Variants in TTLL5 observed in about 807,000 individuals in gnomAD.
TTLL5 encodes tubulin tyrosine ligase like 5, also known as tubulin polyglutamylase TTLL5.
In TTLL5, 132 loss-of-function variants were observed where a neutral mutation model predicts 168.4. The ratio of observed to expected loss-of-function variants is 0.78; its 90% CI spans 0.68 to 0.91. The LOEUF is 0.91. Ranked by LOEUF, TTLL5 falls within the 40% of genes least tolerant of loss-of-function variation. TTLL5 has a pLI of 0.00. For missense variants in TTLL5, 1,545 were observed against 1,581.5 expected, an observed-to-expected ratio of 0.98 and a Z score of 0.39; for synonymous variants, 546 against 558.6, an observed-to-expected ratio of 0.98 and a Z score of 0.32.
chr14:75,909,390 T>A (rs2033277133), intron 31 of TTLL5, among the ~76,000 whole-genome samples: 1 of 150,650 alleles, frequency 6.6e-6, no homozygotes, highest in Non-Finnish European at 1.5e-5. Context: ...AGCTGTTTAA[T>A]TGCCCTGCCT....
At chr14:75,766,424 G>C in intron 20 of TTLL5, 56 bp downstream of exon 20, 4 of 1,437,060 alleles carry the variant, frequency 2.8e-6, no homozygotes, top group Non-Finnish European at 2.8e-6. Context: ...CTTGTACTGT[G>C]TACCAGCTAC....
chr14:75,664,258 A>G (rs909578020), intron 2 of TTLL5, among the ~76,000 whole-genome samples: 2 of 152,158 alleles, frequency 1.3e-5, no homozygotes, highest in African/African-American at 4.8e-5. Flanking sequence ...TAAGTGATGC[A>G]TTGAGATTTG....
intron 31 of TTLL5, among the ~76,000 whole-genome samples, chr14:75,920,542 T>C (rs1308179430): frequency 1.3e-5 from 2 of 152,198 alleles, no homozygotes; most frequent in Non-Finnish European, 2.9e-5. Context: ...AATGATGATT[T>C]CTAGCTTCAT....
In TTLL5 at chr14:75,954,618, A is replaced by G; in HGVS notation, c.*172A>G. ...GATGGTTGCCAATCAGCCAATGCAG[A>G]CTTTCACTGGGACAACAAGAAAGCA... On this transcript the variant is annotated 3_prime_UTR_variant, in exon 32 of 32. Coordinates refer to ENST00000298832, the MANE Select transcript of TTLL5 (RefSeq NM_015072.5). 2 of 652,356 alleles carry G rather than the reference A, an allele frequency of 3.1e-6. No individual in the cohort carries two copies. Among genetic ancestry groups the G allele is most frequent in the Non-Finnish European group, 5.3e-6 (2 of 376,616 alleles). 40.4% of individuals were successfully genotyped at this position (652,356 alleles called of 1,614,324 possible). A position where few individuals can be genotyped will look rare whatever the true frequency, so the allele number is the denominator to read the frequency against.
chr14:75,921,180 G>C (rs1225874669), intron 31 of TTLL5, among the ~76,000 whole-genome samples: 1 of 152,154 alleles, frequency 6.6e-6, no homozygotes, highest in Non-Finnish European at 1.5e-5. Context: ...TAGGTTGCCT[G>C]TTCACTCTGA....
Position 75,820,154 on chromosome 14 carries a change from G to A in TTLL5, c.3319G>A (p.Gly1107Arg). The A allele has an allele frequency of 1.9e-6, 3 of 1,587,432 alleles. No homozygotes were observed. The highest frequency in any genetic ancestry group is 1.4e-5 in the African/African-American group (1 of 73,350). ...TCCCGAGAATCACTCCAGCTCTCCT[G>A]GAAGCAGGTATGTGAAGGGCCCTGC... The part of the protein sequence containing the change: ...QAPENHSSSP[G>R]SRSLQTGGFA... Residue 1107 changes from glycine (G) to arginine (R), a missense_variant, in exon 28 of 32, where the codon GGA (glycine) becomes AGA (arginine). Gly to Arg is a moderately radical substitution (Grantham distance 125). Transcript: ENST00000298832.
At chr14:75,698,341 A>G (rs1039867638) in intron 6 of TTLL5, among the ~76,000 whole-genome samples, 4 of 152,190 alleles carry the variant, frequency 2.6e-5, no homozygotes, top group Admixed American at 6.5e-5. Context: ...AACAGGACAA[A>G]TGGCACCTTT....
At chr14:75,929,192 T>C (rs1259840245) in intron 31 of TTLL5, among the ~76,000 whole-genome samples, 1 of 152,194 alleles carries the variant, frequency 6.6e-6, no homozygotes, top group Non-Finnish European at 1.5e-5. Flanking sequence ...AGCAGCAGCG[T>C]AGTATAATGA....
At chr14:75,807,158 C>T (rs1021377465) in intron 27 of TTLL5, among the ~76,000 whole-genome samples, 2 of 152,160 alleles carry the variant, frequency 1.3e-5, no homozygotes, top group South Asian at 2.1e-4. Flanking sequence ...TCTTTAAAAA[C>T]GATTGATGGC....
intron 21 of TTLL5, among the ~76,000 whole-genome samples, chr14:75,773,456 A>T (rs1459194525): frequency 6.6e-6 from 1 of 152,224 alleles, no homozygotes; most frequent in Non-Finnish European, 1.5e-5. Flanking sequence ...AAATTCAAGA[A>T]GAAAAAAAAT....
chr14:75,821,238 A>G (rs532196620), intron 28 of TTLL5, among the ~76,000 whole-genome samples: 2 of 152,298 alleles, frequency 1.3e-5, no homozygotes, highest in African/African-American at 4.8e-5. Flanking sequence ...CATACCGGTG[A>G]TCATTGTGGT....
chr14:75,943,773 T>G (rs973763655), intron 31 of TTLL5, among the ~76,000 whole-genome samples: 2 of 152,118 alleles, frequency 1.3e-5, no homozygotes, highest in Non-Finnish European at 1.5e-5. Flanking sequence ...TGCCAAATAG[T>G]GCAAAATAAC....
rs752146333 is a variant in TTLL5 at position 75,783,323 on chromosome 14, A to G, written c.2779A>G (p.Ser927Gly). ...ATCTCAAATTCCTTCAGCTATCCCC[A>G]GCATGCCTCACCAGCCAACAATTTT... ...SLSQIPSAIPSMPHQPTILLN... is the reference protein window; with the variant it reads ...SLSQIPSAIPGMPHQPTILLN... The change falls in exon 26 of 32, where the codon AGC (serine) becomes GGC (glycine). Residue 927 changes from serine (S) to glycine (G), a missense_variant. Transcript: ENST00000298832. 1.9e-6 allele frequency: 3 copies of G among 1,613,982 alleles called. No homozygotes were observed. In the South Asian group the frequency reaches 3.3e-5, roughly 18 times the overall value.
rs767195442 is a variant in TTLL5, at chr14:75,820,098, C to T, written c.3263C>T (p.Pro1088Leu). 38 of 1,608,994 alleles carry T rather than the reference C, an allele frequency of 2.4e-5. No individual in the cohort carries two copies. The highest frequency in any genetic ancestry group is 5.4e-5 in the African/African-American group (4 of 74,542). Residue 1088 changes from proline (P) to leucine (L), a missense_variant, in exon 28 of 32, where the codon CCG (proline) becomes CTG (leucine). Coordinates refer to ENST00000298832, the MANE Select transcript of TTLL5 (RefSeq NM_015072.5). The part of the protein sequence containing the change: ...TLRPIISPSG[P>L]TWSTQSDPQA... ...CGACCCATCATCAGTCCTAGTGGCC[C>T]GACATGGTCTACACAGTCAGACCCC...
chr14:75,946,104 GAAGGTATTATAAT>G lies in TTLL5; in HGVS notation c.3824-8318_3824-8306del, dbSNP rs2034762631. 2.6e-5 allele frequency among the ~76,000 whole-genome samples: 4 copies of G among 152,312 alleles called. No homozygotes were observed. In the South Asian group the frequency reaches 8.3e-4, roughly 32 times the overall value. On this transcript the variant is annotated intron_variant, in intron 31 of 31. Coordinates refer to ENST00000298832, the MANE Select transcript of TTLL5 (RefSeq NM_015072.5). ...TCTAAAGAATGTATTTCAGACAGAG[GAAGGTATTATAAT>G]ACCAGAAGAAAGGTCTGAAATGCAG...
chr14:75,930,731 G>C, intron 31 of TTLL5: 1 of 713,618 alleles, frequency 1.4e-6, no homozygotes, highest in Non-Finnish European at 1.7e-6. Flanking sequence ...ATTTCACCTG[G>C]TATAAATATT....
At position 75,804,897 on chromosome 14, in the gene TTLL5, GA is replaced by G. The variant is rs1250034175; in HGVS notation, c.3171+11798del. The stretch of plus-strand genomic sequence containing the variant: ...TAATTTCCTAGCTTTTCTAGGTCTT[GA>G]GGCTTGAAGCTCTCATTTTCTTTAG... On this transcript the variant is annotated intron_variant, in intron 27 of 31. Coordinates refer to ENST00000298832, the MANE Select transcript of TTLL5 (RefSeq NM_015072.5). Among the ~76,000 whole-genome samples, 9 of 152,288 alleles carry G rather than the reference GA, an allele frequency of 5.9e-5. No individual in the cohort carries two copies. The East Asian group carries it at 1.5e-3, about 26-fold the overall frequency.
At chr14:75,947,737 G>A (rs2034819721) in intron 31 of TTLL5, among the ~76,000 whole-genome samples, 1 of 152,064 alleles carries the variant, frequency 6.6e-6, no homozygotes, top group South Asian at 2.1e-4. Context: ...TCTAGCCCAG[G>A]AGTTTGAGAC....
chr14:75,782,450 T>C (rs772473430), intron 24 of TTLL5, 37 bp from the exon 25 acceptor site: 4 of 1,542,126 alleles, frequency 2.6e-6, no homozygotes, highest in Non-Finnish European at 3.6e-6. Context: ...TTGCAATTGA[T>C]TATAAGAGAG....
Sources: allele counts gnomAD v4.1 joint callset (sites outside exome capture counted in the v4.1 genomes callset), GRCh38; gene constraint gnomAD v4.1.1; transcripts MANE v1.5; gene names NCBI Gene and HGNC (gene_info 2026-07-23, HGNC 2026-07-21).